The following RBMS1 variants were observed in gnomAD, a reference collection of about 807,000 sequenced individuals.
The protein encoded by RBMS1 is RNA binding motif single stranded interacting protein 1.
Under a neutral mutation model 62.3 loss-of-function variants are expected in RBMS1, and 17 were observed. The observed-to-expected ratio is 0.27, with a 90% confidence interval of 0.19 to 0.41. The LOEUF is 0.41. Among genes scored for constraint, RBMS1 ranks in the 10% least tolerant of loss-of-function variants. The pLI is 1.00. For missense variants in RBMS1, 334 were observed against 504.5 expected (o/e 0.66, Z 3.24); for synonymous variants, 172 against 170.0 (o/e 1.01, Z -0.09).
At chr2:160,344,493 G>C (rs1692066162) in intron 2 of RBMS1, among the ~76,000 whole-genome samples, 1 of 152,064 alleles carries the variant, frequency 6.6e-6, no homozygotes, top group African/African-American at 2.4e-5. Flanking sequence ...GTTATTTCTA[G>C]AAGTTGTTTC....
intron 6 of RBMS1, among the ~76,000 whole-genome samples, chr2:160,299,324 T>C (rs1689094075): frequency 6.6e-6 from 1 of 152,206 alleles, no homozygotes; most frequent in South Asian, 2.1e-4. Context: ...TTCTTGAATA[T>C]TTTTGGCATG....
chr2:160,406,445 C>T (rs911980996), intron 1 of RBMS1, among the ~76,000 whole-genome samples: 2 of 152,198 alleles, frequency 1.3e-5, no homozygotes, highest in Non-Finnish European at 2.9e-5. Flanking sequence ...GGCTACAGTT[C>T]GCTTGCATCC....
chr2:160,407,015 CACACACAGAG>C (rs1370201804), intron 1 of RBMS1, among the ~76,000 whole-genome samples: 3 of 150,506 alleles, frequency 2.0e-5, no homozygotes, highest in Admixed American at 2.0e-4. Context: ...AACACACAGA[CACACACAGAG>C]ACACAGACAC....
intron 2 of RBMS1, among the ~76,000 whole-genome samples, chr2:160,336,188 T>A (rs767370696): frequency 6.6e-6 from 1 of 152,168 alleles, no homozygotes; most frequent in Non-Finnish European, 1.5e-5. Flanking sequence ...TAAGAGCAAA[T>A]TGGTTATACC....
At chr2:160,317,006 C>A (rs1013070402) in intron 3 of RBMS1, among the ~76,000 whole-genome samples, 4 of 152,152 alleles carry the variant, frequency 2.6e-5, no homozygotes, top group Non-Finnish European at 5.9e-5. Context: ...ATTTGACTCT[C>A]TCTAGTTTAA....
At position 160,375,311 on chromosome 2, in the gene RBMS1, T is replaced by C. The variant is rs1693938726; in HGVS notation, c.76-7920A>G. Among the ~76,000 whole-genome samples, 5 of 152,230 alleles carry C rather than the reference T, an allele frequency of 3.3e-5. No individual in the cohort carries two copies. The South Asian group carries it at 8.3e-4, about 25-fold the overall frequency. On this transcript the variant is annotated intron_variant, in intron 1 of 13. Coordinates refer to ENST00000348849, the MANE Select transcript of RBMS1 (RefSeq NM_016836.4). ...ACATCATACTGCGGCACCATTTTCC[T>C]ATGCCCCTTAGGCCAGCATGGATTC...
chr2:160,373,008 A>T (rs1484527054), intron 1 of RBMS1, among the ~76,000 whole-genome samples: 1 of 152,240 alleles, frequency 6.6e-6, no homozygotes, highest in African/African-American at 2.4e-5. Context: ...AGGATATCAA[A>T]GCTTAAAATC....
At chr2:160,302,276 C>A (rs1487591930) in intron 5 of RBMS1, among the ~76,000 whole-genome samples, 1 of 151,638 alleles carries the variant, frequency 6.6e-6, no homozygotes, top group African/African-American at 2.4e-5. Flanking sequence ...CTCACTGTAT[C>A]CTCCAATTCC....
chr2:160,462,846 T>C (rs1286158483), intron 1 of RBMS1, among the ~76,000 whole-genome samples: 2 of 151,058 alleles, frequency 1.3e-5, no homozygotes, highest in Admixed American at 6.7e-5. Context: ...TCCACCCGCC[T>C]CGGTCCCCCA....
At chr2:160,404,162 G>A (rs1695575342) in intron 1 of RBMS1, among the ~76,000 whole-genome samples, 1 of 152,094 alleles carries the variant, frequency 6.6e-6, no homozygotes, top group South Asian at 2.1e-4. Flanking sequence ...TCTTTATTTA[G>A]ATACTGCCTA....
chr2:160,391,922 T>C (rs549655661), intron 1 of RBMS1, among the ~76,000 whole-genome samples: 103 of 151,710 alleles, frequency 6.8e-4, no homozygotes, highest in Non-Finnish European at 1.2e-3. Context: ...ATCGCACCAC[T>C]GCACTACAGC....
intron 4 of RBMS1, among the ~76,000 whole-genome samples, chr2:160,308,892 A>C (rs1004533473): frequency 1.3e-5 from 2 of 152,248 alleles, no homozygotes; most frequent in African/African-American, 4.8e-5. Context: ...AGGCTTCTTC[A>C]AAACAGTGTA....
intron 1 of RBMS1, among the ~76,000 whole-genome samples, chr2:160,368,342 A>G (rs187118850): frequency 4.5e-4 from 68 of 152,348 alleles, no homozygotes; most frequent in African/African-American, 1.5e-3. Flanking sequence ...ACTCAAGGAC[A>G]TCACTCATGA....
intron 2 of RBMS1, among the ~76,000 whole-genome samples, chr2:160,321,245 C>T (rs1020711904): frequency 4.6e-5 from 7 of 152,140 alleles, no homozygotes; most frequent in Admixed American, 3.3e-4. Context: ...GGCATGAGTC[C>T]GCTCTGCCAG....
intron 1 of RBMS1, among the ~76,000 whole-genome samples, chr2:160,485,976 ATTG>A (rs1296313518): frequency 2.0e-5 from 3 of 152,154 alleles, no homozygotes; most frequent in African/African-American, 4.8e-5. Context: ...ATGAAACGAA[ATTG>A]TTGTTGAGAA....
intron 4 of RBMS1, among the ~76,000 whole-genome samples, chr2:160,307,333 T>C (rs937759657): frequency 3.2e-4 from 46 of 143,410 alleles, no homozygotes; most frequent in African/African-American, 1.2e-3. Context: ...GGGGATTATA[T>C]TCCTGCTCGT....
chr2:160,455,439 GA>G (rs1297636010), intron 1 of RBMS1, among the ~76,000 whole-genome samples: 1 of 152,164 alleles, frequency 6.6e-6, no homozygotes, highest in East Asian at 1.9e-4. Flanking sequence ...AGGGTGAGAA[GA>G]AAGAAGAAGA....
At chr2:160,303,300 G>A in intron 5 of RBMS1, 30 bp downstream of exon 5, 2 of 1,545,768 alleles carry the variant, frequency 1.3e-6, no homozygotes, top group South Asian at 1.2e-5. Context: ...TATTGTTGTT[G>A]ACATAATAAA....
At chr2:160,320,550 G>A (rs1295513326) in intron 2 of RBMS1, among the ~76,000 whole-genome samples, 1 of 152,158 alleles carries the variant, frequency 6.6e-6, no homozygotes. Context: ...GATCCCTCAT[G>A]AATAGCTTGG....
Sources: gnomAD v4.1 joint callset for allele counts (sites outside exome capture counted in the v4.1 genomes callset) on GRCh38, gnomAD v4.1.1 for gene constraint, MANE v1.5 for transcripts, NCBI Gene and HGNC (gene_info 2026-07-23, HGNC 2026-07-21) for gene names.